Variants in ZFYVE28 observed in about 807,000 individuals in gnomAD.
ZFYVE28 encodes lateral signaling target protein 2 homolog.
ZFYVE28 carries 40 observed loss-of-function variants against 82.1 expected under a neutral mutation model. The observed-to-expected ratio is 0.49, with a 90% confidence interval of 0.38 to 0.63. The LOEUF (loss-of-function observed/expected upper bound fraction) is 0.63, where lower values mean the gene tolerates loss of function less well. Ranked by LOEUF, ZFYVE28 falls within the 30% of genes least tolerant of loss-of-function variation. The pLI, the probability that ZFYVE28 is intolerant of heterozygous loss-of-function variation, is 0.00. For missense variants in ZFYVE28, 1,321 were observed against 1,242.1 expected (o/e 1.06, Z -0.96); for synonymous variants, 612 against 546.1 (o/e 1.12, Z -1.68).
intron 6 of ZFYVE28, among the ~76,000 whole-genome samples, chr4:2,329,671 T>C (rs2108845710): frequency 6.6e-6 from 1 of 152,326 alleles, no homozygotes; most frequent in South Asian, 2.1e-4. Flanking sequence ...TTACAAAAGT[T>C]TTACCTATCA....
Position 2,271,941 on chromosome 4 carries a change from C to T in ZFYVE28, c.2324-162G>A, listed in dbSNP as rs368636344. On this transcript the variant is annotated intron_variant, in intron 10 of 12. Transcript: ENST00000290974. The stretch of plus-strand genomic sequence containing the variant: ...GGTGGCACCACAGCAGGTTGGGCGC[C>T]GATCCTGGCTGGGGGTCTTCCTGAG... 5.0e-3 allele frequency among the ~76,000 whole-genome samples: 768 copies of T among 152,312 alleles called. 5 individuals carry two copies. The highest frequency in any genetic ancestry group is 0.018 in the African/African-American group (733 of 41,564).
chr4:2,274,311 C>G (rs575590922), intron 8 of ZFYVE28, 95 bp from the exon 9 acceptor site: 30 of 1,450,096 alleles, frequency 2.1e-5, no homozygotes, highest in Non-Finnish European at 2.6e-5. Flanking sequence ...TCTGTGTCCT[C>G]GCAGACGCTC....
intron 6 of ZFYVE28, chr4:2,330,418 G>A (rs748073170): frequency 1.4e-5 from 15 of 1,044,374 alleles, no homozygotes; most frequent in Non-Finnish European, 8.1e-6. Context: ...AGGACAGCAC[G>A]GAAGAGGGGA....
At chr4:2,350,536 A>G (rs1282386552) in intron 2 of ZFYVE28, among the ~76,000 whole-genome samples, 1 of 152,164 alleles carries the variant, frequency 6.6e-6, no homozygotes, top group Non-Finnish European at 1.5e-5. Flanking sequence ...ATTTCCTGAC[A>G]TACAGCTCCT....
rs527324739 is a variant in ZFYVE28 at position 2,365,231 on chromosome 4, G to A, written c.40-11158C>T. Among the ~76,000 whole-genome samples, 514 of 152,172 alleles carry A rather than the reference G, an allele frequency of 3.4e-3. 4 individuals carry two copies. Among genetic ancestry groups the A allele is most frequent in the Middle Eastern group, 6.8e-3 (2 of 292 alleles). ...TCCCCGGGTGGGCCACGCGGGGTTCGAGAGCGCAGTGCGCGGAGGCCACAG... is the reference window on the plus strand; with the variant it reads ...TCCCCGGGTGGGCCACGCGGGGTTCAAGAGCGCAGTGCGCGGAGGCCACAG... On this transcript the variant is annotated intron_variant, in intron 1 of 12. Coordinates refer to ENST00000290974, the MANE Select transcript of ZFYVE28 (RefSeq NM_020972.3).
At chr4:2,325,377 A>T (rs1719704865) in intron 6 of ZFYVE28, among the ~76,000 whole-genome samples, 1 of 152,190 alleles carries the variant, frequency 6.6e-6, no homozygotes, top group African/African-American at 2.4e-5. Context: ...ACAGGCAACT[A>T]ATAATGATTC....
At chr4:2,326,870 T>C in intron 6 of ZFYVE28, among the ~76,000 whole-genome samples, 1 of 152,198 alleles carries the variant, frequency 6.6e-6, no homozygotes, top group East Asian at 1.9e-4. Flanking sequence ...AATTTTTGTG[T>C]CTTGATTTTG....
At chr4:2,281,640 A>AG (rs1472365318) in intron 8 of ZFYVE28, among the ~76,000 whole-genome samples, 1 of 152,204 alleles carries the variant, frequency 6.6e-6, no homozygotes, top group African/African-American at 2.4e-5. Context: ...CACCTCTTTA[A>AG]GGTCCCCCCT....
rs1048030263 is a variant in ZFYVE28, at chr4:2,408,890, C to T, written c.39+9395G>A. On this transcript the variant is annotated intron_variant, in intron 1 of 12. Transcript: ENST00000290974. The surrounding 1 kb of genome is among the most constrained non-coding windows in gnomAD (Gnocchi z 4.3). ...ATGGTTTGAAGCTCTCAGTTCCCGGCGGTTTCTAAGTGGACCTTCCCATGC... is the reference window on the plus strand; with the variant it reads ...ATGGTTTGAAGCTCTCAGTTCCCGGTGGTTTCTAAGTGGACCTTCCCATGC... Among the ~76,000 whole-genome samples the T allele has an allele frequency of 2.6e-5, 4 of 152,224 alleles. No individual in the cohort carries two copies. The highest frequency in any genetic ancestry group is 9.7e-5 in the African/African-American group (4 of 41,436).
intron 6 of ZFYVE28, chr4:2,330,153 A>C: frequency 5.6e-6 from 3 of 532,076 alleles, no homozygotes; most frequent in Non-Finnish European, 7.2e-6. Flanking sequence ...CTCAGGAGTA[A>C]GAGACATCTT....
chr4:2,303,599 C>T (rs1715963306), intron 8 of ZFYVE28, among the ~76,000 whole-genome samples: 1 of 152,194 alleles, frequency 6.6e-6, no homozygotes, highest in South Asian at 2.1e-4. Flanking sequence ...TGGGCTGGGC[C>T]CAGCCCCTGC....
chr4:2,351,295 T>C (rs890532614), intron 2 of ZFYVE28, among the ~76,000 whole-genome samples: 17 of 152,136 alleles, frequency 1.1e-4, no homozygotes, highest in Admixed American at 9.8e-4. Context: ...TGAGTGACTG[T>C]GTGAGAGTAG....
intron 2 of ZFYVE28, among the ~76,000 whole-genome samples, chr4:2,350,721 G>A (rs1404462327): frequency 6.6e-6 from 1 of 152,192 alleles, no homozygotes; most frequent in Non-Finnish European, 1.5e-5. Context: ...ATTGGGAAGT[G>A]TTCTCACCAA....
At chr4:2,360,389 TCACACACACACACACACACACACA>T (rs10545681) in intron 1 of ZFYVE28, among the ~76,000 whole-genome samples, 3 of 143,384 alleles carry the variant, frequency 2.1e-5, no homozygotes, top group East Asian at 4.1e-4. Flanking sequence ...AGAGCTGTAA[TCACACACACACACACACACACACA>T]CACACACACA....
intron 1 of ZFYVE28, among the ~76,000 whole-genome samples, chr4:2,378,806 G>A (rs1728431521): frequency 1.3e-5 from 2 of 152,302 alleles, no homozygotes; most frequent in East Asian, 1.9e-4. Context: ...CCGATACCCA[G>A]CCTTTCATTC....
chr4:2,354,414 G>GTCCCCGGCGC (rs1724934526), intron 1 of ZFYVE28, among the ~76,000 whole-genome samples: 1 of 151,686 alleles, frequency 6.6e-6, no homozygotes, highest in African/African-American at 2.4e-5. Context: ...GAAGAGTGGG[G>GTCCCCGGCGC]TCCCCGGCGC....
intron 8 of ZFYVE28, among the ~76,000 whole-genome samples, chr4:2,281,450 G>A (rs1711958004): frequency 6.6e-6 from 1 of 152,148 alleles, no homozygotes; most frequent in South Asian, 2.1e-4. Context: ...CAAGGTGGAG[G>A]GGCCCCATCT....
intron 1 of ZFYVE28, among the ~76,000 whole-genome samples, chr4:2,413,200 G>A (rs527841451): frequency 6.6e-6 from 1 of 152,214 alleles, no homozygotes; most frequent in Non-Finnish European, 1.5e-5. Context: ...TCAGCAAAGC[G>A]CAGGAAATGA....
At chr4:2,271,627 C>G (rs760791425) in intron 11 of ZFYVE28, 48 bp downstream of exon 11, 12 of 1,581,116 alleles carry the variant, frequency 7.6e-6, no homozygotes, top group Non-Finnish European at 1.0e-5. Flanking sequence ...CTCCCACAGC[C>G]CCCACTGGTG....
Sources: allele counts gnomAD v4.1 joint callset (sites outside exome capture counted in the v4.1 genomes callset), GRCh38; gene constraint gnomAD v4.1.1; non-coding constraint Gnocchi (gnomAD v3.1); transcripts MANE v1.5; gene names NCBI Gene and HGNC (gene_info 2026-07-23, HGNC 2026-07-21).